The following SPATS2L variants were observed in gnomAD, a reference collection of about 807,000 sequenced individuals.
SPATS2L encodes the protein spermatogenesis associated serine rich 2 like.
A neutral mutation model predicts 59.6 loss-of-function variants in SPATS2L; 30 were observed. That is an observed-to-expected ratio of 0.50 (90% confidence interval 0.38 to 0.68). The LOEUF (loss-of-function observed/expected upper bound fraction) is 0.68. Among genes scored for constraint, SPATS2L ranks in the 30% least tolerant of loss-of-function variants. SPATS2L has a pLI of 0.00. For synonymous variants in SPATS2L, 252 were observed against 263.5 expected, an observed-to-expected ratio of 0.96 and a Z score of 0.42; for missense variants, 615 against 700.0, an observed-to-expected ratio of 0.88 and a Z score of 1.37.
chr2:200,439,357 T>C, intron 7 of SPATS2L, 29 bp downstream of exon 7: 1 of 1,580,974 alleles, frequency 6.3e-7, no homozygotes, highest in Middle Eastern at 1.7e-4. Context: ...CACAAATGAT[T>C]CAACATATTT....
At chr2:200,379,618 C>T (rs1397143582) in intron 2 of SPATS2L, among the ~76,000 whole-genome samples, 1 of 152,004 alleles carries the variant, frequency 6.6e-6, no homozygotes, top group African/African-American at 2.4e-5. Flanking sequence ...ACTTGGGGCT[C>T]TGGAGTATAA....
At chr2:200,384,026 A>G (rs921336736) in intron 2 of SPATS2L, 3 of 1,000,362 alleles carry the variant, frequency 3.0e-6, no homozygotes, top group Non-Finnish European at 3.6e-6. Flanking sequence ...AGGTCAGTAC[A>G]TTGATAGAAC....
intron 8 of SPATS2L, among the ~76,000 whole-genome samples, chr2:200,457,644 G>T (rs1266736005): frequency 6.6e-6 from 1 of 152,218 alleles, no homozygotes; most frequent in Non-Finnish European, 1.5e-5. Context: ...GGCTGATGTT[G>T]TCTGCAGTTG....
intron 2 of SPATS2L, among the ~76,000 whole-genome samples, chr2:200,375,861 G>A (rs1236731498): frequency 1.3e-5 from 2 of 152,036 alleles, no homozygotes; most frequent in Admixed American, 6.6e-5. Flanking sequence ...TCCTGGACTC[G>A]AAGGATCCTC....
intron 3 of SPATS2L, among the ~76,000 whole-genome samples, chr2:200,392,885 C>T (rs2082213693): frequency 6.6e-6 from 1 of 152,144 alleles, no homozygotes; most frequent in Admixed American, 6.5e-5. Flanking sequence ...GGAGAGAAGT[C>T]CCCCACACAT....
chr2:200,404,309 A>T (rs1354577168), intron 3 of SPATS2L, among the ~76,000 whole-genome samples: 1 of 152,222 alleles, frequency 6.6e-6, no homozygotes, highest in Non-Finnish European at 1.5e-5. Flanking sequence ...GTCTGGGTTA[A>T]TGAAAGAAAG....
intron 2 of SPATS2L, among the ~76,000 whole-genome samples, chr2:200,365,936 A>G (rs567833942): frequency 6.6e-6 from 1 of 152,314 alleles, no homozygotes; most frequent in Non-Finnish European, 1.5e-5. Flanking sequence ...GCCTATATAC[A>G]TAGGAGATGC....
At chr2:200,337,743 T>A (rs898909150) in intron 2 of SPATS2L, among the ~76,000 whole-genome samples, 2 of 152,196 alleles carry the variant, frequency 1.3e-5, no homozygotes, top group African/African-American at 4.8e-5. Context: ...TGCTTGCTCC[T>A]TGATGCACAA....
intron 2 of SPATS2L, among the ~76,000 whole-genome samples, chr2:200,347,415 C>G (rs2080551076): frequency 6.6e-6 from 1 of 152,152 alleles, no homozygotes; most frequent in African/African-American, 2.4e-5. Context: ...TGAGCTCCAC[C>G]TGGTCACAGG....
chr2:200,455,980 C>G (rs986383167), intron 8 of SPATS2L, among the ~76,000 whole-genome samples: 3 of 152,274 alleles, frequency 2.0e-5, no homozygotes, highest in Non-Finnish European at 4.4e-5. Flanking sequence ...GTCTGGCACT[C>G]GCTTGATGTA....
At position 200,389,154 on chromosome 2, in the gene SPATS2L, G is replaced by A. The variant is rs1176937121; in HGVS notation, c.-22-69G>A. ...CCGAATGAAGTTGTTTACTGTGTTG[G>A]AAGAGAGTGTAAAAATAACACATTG... On this transcript the variant is annotated intron_variant, in intron 2 of 12. Transcript: ENST00000409140. 8 of 958,136 alleles carry A rather than the reference G, an allele frequency of 8.3e-6. No individual in the cohort carries two copies. The East Asian group carries it at 1.6e-4, about 19-fold the overall frequency. The allele number at this position is 958,136 out of a possible 1,614,324, so 59.4% of individuals were successfully genotyped here.
At chr2:200,373,947 T>A (rs1012813130) in intron 2 of SPATS2L, among the ~76,000 whole-genome samples, 3 of 152,118 alleles carry the variant, frequency 2.0e-5, no homozygotes, top group African/African-American at 7.2e-5. Context: ...TGGGCTGGGA[T>A]AGGATGAGAA....
chr2:200,436,891 A>T (rs1381803948), intron 6 of SPATS2L, among the ~76,000 whole-genome samples: 2 of 152,152 alleles, frequency 1.3e-5, no homozygotes, highest in Admixed American at 6.5e-5. Context: ...ATGGGGGCAG[A>T]TCCCTCATGA....
At position 200,469,828 on chromosome 2, in the gene SPATS2L, CG is replaced by C. The variant is rs1029693901; in HGVS notation, c.958-84del. 3.0e-6 allele frequency: 3 copies of C among 1,004,948 alleles called. No individual in the cohort carries two copies. In the African/African-American group the frequency reaches 4.8e-5, roughly 16 times the overall value. 62.3% of individuals were successfully genotyped at this position (1,004,948 alleles called of 1,614,324 possible). On this transcript the variant is annotated intron_variant, in intron 10 of 12. Transcript: ENST00000409140. ...ACCAGGTCAGCACTGCAGTGGACAC[CG>C]GAAGAGCAGAGTGAACGCATCCACG... is the stretch of plus-strand genomic sequence containing the variant.
At chr2:200,428,049 G>GCC (rs759778472) in intron 6 of SPATS2L, among the ~76,000 whole-genome samples, 1 of 112,124 alleles carries the variant, frequency 8.9e-6, no homozygotes. Flanking sequence ...CAGCCTGGGT[G>GCC]ACAGCGAGAC....
At chr2:200,474,209 G>A (rs2087316449) in intron 12 of SPATS2L, among the ~76,000 whole-genome samples, 1 of 151,664 alleles carries the variant, frequency 6.6e-6, no homozygotes, top group Non-Finnish European at 1.5e-5. Context: ...ATTGACAGGT[G>A]TTTTCTCAGG....
chr2:200,306,938 C>T lies in SPATS2L; in HGVS notation c.-73+16C>T. On this transcript the variant is annotated intron_variant, in intron 1 of 12. Transcript: ENST00000409140. ...CGACACAGAGGTAAGCCCAGGACCCCCTCCACGCCGGGCCGGCTGGGGATG... is the reference window on the plus strand; with the variant it reads ...CGACACAGAGGTAAGCCCAGGACCCTCTCCACGCCGGGCCGGCTGGGGATG... 3.1e-6 allele frequency: 3 copies of T among 982,410 alleles called. No individual in the cohort carries two copies. The highest frequency in any genetic ancestry group is 3.6e-6 in the Non-Finnish European group (3 of 828,760). 60.9% of individuals were successfully genotyped at this position (982,410 alleles called of 1,614,324 possible).
chr2:200,308,277 C>T (rs1357134949), intron 1 of SPATS2L, among the ~76,000 whole-genome samples: 1 of 151,734 alleles, frequency 6.6e-6, no homozygotes, highest in African/African-American at 2.4e-5. Context: ...AACCAATACC[C>T]TGAAAATAGA....
chr2:200,308,437 G>T (rs1285731910), intron 1 of SPATS2L, among the ~76,000 whole-genome samples: 1 of 151,998 alleles, frequency 6.6e-6, no homozygotes, highest in African/African-American at 2.4e-5. Context: ...TTTTAACTGG[G>T]GAAAAATCAA....
Sources: allele counts gnomAD v4.1 joint callset (sites outside exome capture counted in the v4.1 genomes callset), GRCh38; gene constraint gnomAD v4.1.1; transcripts MANE v1.5; gene names NCBI Gene and HGNC (gene_info 2026-07-23, HGNC 2026-07-21).